MEF2A: variants seen among roughly 807,000 people sequenced by gnomAD.
The protein encoded by MEF2A is myocyte enhancer factor 2A, also known as myocyte-specific enhancer factor 2A.
Under a neutral mutation model 55.8 loss-of-function variants are expected in MEF2A, and 28 were observed. The observed-to-expected ratio is 0.50, with a 90% CI of 0.37 to 0.69. The LOEUF (loss-of-function observed/expected upper bound fraction) is 0.69. MEF2A is among the 30% of genes least tolerant of loss of function. MEF2A has a pLI of 0.00. For synonymous variants in MEF2A, 239 were observed against 227.1 expected (o/e 1.05, Z -0.47); for missense variants, 528 against 626.2 (o/e 0.84, Z 1.67).
chr15:99,609,818 G>C (rs1234381988), intron 2 of MEF2A, among the ~76,000 whole-genome samples: 2 of 152,062 alleles, frequency 1.3e-5, no homozygotes, highest in African/African-American at 2.4e-5. Context: ...GACAAAGAGA[G>C]TATACAGTAT....
intron 3 of MEF2A, among the ~76,000 whole-genome samples, chr15:99,638,482 AC>A (rs2044294946): frequency 6.7e-6 from 1 of 149,766 alleles, no homozygotes; most frequent in Non-Finnish European, 1.5e-5. Context: ...TGTATTTTTT[AC>A]TCTTTTTTTC....
intron 8 of MEF2A, among the ~76,000 whole-genome samples, chr15:99,694,658 T>C (rs1468667468): frequency 3.9e-5 from 6 of 152,214 alleles, no homozygotes; most frequent in African/African-American, 1.2e-4. Flanking sequence ...AGTTACTCTT[T>C]CTCCCGCTTT....
intron 4 of MEF2A, 32 bp from the exon 5 acceptor site, chr15:99,671,291 A>C (rs201806714): frequency 5.0e-5 from 80 of 1,588,946 alleles, no homozygotes; most frequent in Non-Finnish European, 6.8e-5. Flanking sequence ...AGTTAGCATT[A>C]TTTGTGTGTG....
At chr15:99,643,819 C>G (rs984241556) in intron 3 of MEF2A, among the ~76,000 whole-genome samples, 26 of 152,048 alleles carry the variant, frequency 1.7e-4, no homozygotes, top group African/African-American at 6.3e-4. Flanking sequence ...TCTCCATCTC[C>G]TGAGCTCGTG....
chr15:99,660,356 G>A (rs1057091429), intron 4 of MEF2A, among the ~76,000 whole-genome samples: 22 of 152,156 alleles, frequency 1.4e-4, no homozygotes, highest in African/African-American at 5.3e-4. Flanking sequence ...ACTAGACTCT[G>A]TATTAGCCTC....
intron 2 of MEF2A, among the ~76,000 whole-genome samples, chr15:99,631,727 A>G (rs996561402): frequency 6.6e-6 from 1 of 152,092 alleles, no homozygotes; most frequent in Non-Finnish European, 1.5e-5. Context: ...TAGGTGAACA[A>G]TTAATAGGTT....
At chr15:99,622,017 C>G (rs1221522517) in intron 2 of MEF2A, among the ~76,000 whole-genome samples, 1 of 152,118 alleles carries the variant, frequency 6.6e-6, no homozygotes, top group African/African-American at 2.4e-5. Flanking sequence ...ACTTAAGCAA[C>G]AAGTTTCTTT....
intron 4 of MEF2A, among the ~76,000 whole-genome samples, chr15:99,665,731 C>CAAAAAAAAAAAAAAAAAAAA (rs752473261): frequency 3.4e-3 from 68 of 20,204 alleles, no homozygotes; most frequent in Admixed American, 4.5e-3. Context: ...CTTAAATTTA[C>CAAAAAAAAAAAAAAAAAAAA]AAAAAAAAAA....
chr15:99,639,402 A>G (rs1380958766), intron 3 of MEF2A, among the ~76,000 whole-genome samples: 1 of 152,170 alleles, frequency 6.6e-6, no homozygotes, highest in Non-Finnish European at 1.5e-5. Flanking sequence ...CACTCAGTGT[A>G]GTGTTTTGAG....
At chr15:99,631,987 T>C (rs1312837694) in intron 2 of MEF2A, among the ~76,000 whole-genome samples, 1 of 152,222 alleles carries the variant, frequency 6.6e-6, no homozygotes. Flanking sequence ...TTATTATGAC[T>C]GTTGTATTAT....
chr15:99,593,464 G>A (rs1294020697), intron 1 of MEF2A, among the ~76,000 whole-genome samples: 1 of 152,138 alleles, frequency 6.6e-6, no homozygotes, highest in African/African-American at 2.4e-5. Context: ...ATGCCTGGTA[G>A]CAAATATCTT....
intron 2 of MEF2A, among the ~76,000 whole-genome samples, chr15:99,625,509 G>T (rs1431755835): frequency 6.6e-6 from 1 of 152,042 alleles, no homozygotes; most frequent in Non-Finnish European, 1.5e-5. Context: ...TTCCATTACA[G>T]TGTTGAATAG....
rs2051548111 is a variant in MEF2A, at chr15:99,674,598, G to GTAC, written c.598_600dup (p.Thr200dup). ...CCTGGAGCTCCTCAGAGACCACCAA[G>GTAC]TACTGGCAATGCAGGTATGTAGTGA... On this transcript the variant is annotated inframe_insertion, in exon 6 of 12. Coordinates refer to ENST00000557942, the MANE Select transcript of MEF2A (RefSeq NM_001319206.4). 1 of 1,613,370 alleles carries GTAC rather than the reference G, an allele frequency of 6.2e-7. No individual in the cohort carries two copies. Among genetic ancestry groups the GTAC allele is most frequent in the Non-Finnish European group, 8.5e-7 (1 of 1,179,482 alleles).
intron 7 of MEF2A, among the ~76,000 whole-genome samples, chr15:99,683,732 T>A (rs1009510149): frequency 4.8e-5 from 7 of 146,946 alleles, no homozygotes; most frequent in Non-Finnish European, 9.1e-5. Flanking sequence ...AAAAAAAAAA[T>A]TATTTCAATA....
At chr15:99,593,534 G>T (rs751984851) in intron 1 of MEF2A, among the ~76,000 whole-genome samples, 1 of 152,094 alleles carries the variant, frequency 6.6e-6, no homozygotes, top group Admixed American at 6.6e-5. Flanking sequence ...AAAAATACCC[G>T]TTGCAACTAA....
intron 2 of MEF2A, among the ~76,000 whole-genome samples, chr15:99,627,649 A>C (rs2042266014): frequency 6.6e-6 from 1 of 152,214 alleles, no homozygotes; most frequent in Non-Finnish European, 1.5e-5. Flanking sequence ...AATTACATTT[A>C]GGCATTTTGA....
intron 8 of MEF2A, among the ~76,000 whole-genome samples, chr15:99,703,047 A>G (rs1263273284): frequency 6.6e-6 from 1 of 152,218 alleles, no homozygotes; most frequent in Admixed American, 6.5e-5. Context: ...CGATAGCATG[A>G]TGAGGAACCC....
rs1368810115 is a variant in MEF2A at position 99,712,922 on chromosome 15, TATGTGTGG to T, written c.*152_*159del. 2 of 921,368 alleles carry T rather than the reference TATGTGTGG, an allele frequency of 2.2e-6. No individual in the cohort carries two copies. Among genetic ancestry groups the T allele is most frequent in the African/African-American group, 1.7e-5 (1 of 59,524 alleles). The allele number at this position is 921,368 out of a possible 1,614,324, so 57.1% of individuals were successfully genotyped here. On this transcript the variant is annotated 3_prime_UTR_variant, in exon 12 of 12. Coordinates refer to ENST00000557942, the MANE Select transcript of MEF2A (RefSeq NM_001319206.4). This position sits in a 1 kb window ranked among gnomAD's most constrained non-coding sequence, Gnocchi z 4.1. The stretch of plus-strand genomic sequence containing the variant: ...ATATATGTATGTGGGTGTGAGTGTG[TATGTGTGG>T]GTGTGTGTTACATACACAGAATCAG...
intron 7 of MEF2A, among the ~76,000 whole-genome samples, chr15:99,687,496 G>A (rs995976419): frequency 3.3e-5 from 5 of 152,166 alleles, no homozygotes; most frequent in Admixed American, 3.3e-4. Flanking sequence ...GATGGTCCCT[G>A]AAGCTGTGGA....
Sources: gnomAD v4.1 joint callset for allele counts (sites outside exome capture counted in the v4.1 genomes callset) on GRCh38, gnomAD v4.1.1 for gene constraint, Gnocchi (gnomAD v3.1) non-coding constraint, MANE v1.5 for transcripts, NCBI Gene and HGNC (gene_info 2026-07-23, HGNC 2026-07-21) for gene names.